Variants in PAK2 observed in about 807,000 individuals in gnomAD.
PAK2 encodes p21 (RAC1) activated kinase 2.
Under a neutral mutation model 65.9 loss-of-function variants are expected in PAK2, and 21 were observed. The observed-to-expected ratio is 0.32, with a 90% CI of 0.23 to 0.46. PAK2 has a LOEUF of 0.46. Among genes scored for constraint, PAK2 ranks in the 20% least tolerant of loss-of-function variants. The probability of loss-of-function intolerance (pLI) is 1.00; values close to 1 mark genes in which losing one functional copy is unlikely to be tolerated. For synonymous variants in PAK2, 204 were observed against 219.7 expected (o/e 0.93, Z 0.63); for missense variants, 324 against 642.6 (o/e 0.50, Z 5.36).
intron 4 of PAK2, among the ~76,000 whole-genome samples, chr3:196,804,553 C>T (rs567018080): frequency 2.8e-4 from 42 of 152,180 alleles, no homozygotes; most frequent in African/African-American, 8.9e-4. Flanking sequence ...CCAGAACCCC[C>T]GCCTCCCGGG....
intron 12 of PAK2, among the ~76,000 whole-genome samples, chr3:196,818,942 A>T (rs1711562976): frequency 6.6e-6 from 1 of 152,160 alleles, no homozygotes; most frequent in African/African-American, 2.4e-5. Context: ...GGATTGTTTT[A>T]AGTACTCATT....
chr3:196,813,554 A>C (rs1019904191), intron 10 of PAK2, among the ~76,000 whole-genome samples: 1 of 152,100 alleles, frequency 6.6e-6, no homozygotes, highest in Admixed American at 6.6e-5. Flanking sequence ...TTGAAGATAG[A>C]GGTGATTATA....
chr3:196,763,489 C>T (rs540561424), intron 1 of PAK2, among the ~76,000 whole-genome samples: 3 of 152,116 alleles, frequency 2.0e-5, no homozygotes, highest in South Asian at 2.1e-4. Flanking sequence ...GGCCTCAGAT[C>T]CGTTTTCGGA....
intron 11 of PAK2, among the ~76,000 whole-genome samples, chr3:196,814,875 T>C (rs1050498723): frequency 6.6e-6 from 1 of 152,136 alleles, no homozygotes; most frequent in East Asian, 1.9e-4. Flanking sequence ...AAAGGGTATA[T>C]ATCATTAGAA....
chr3:196,780,034 A>G (rs1054375514), intron 1 of PAK2, among the ~76,000 whole-genome samples: 3 of 152,216 alleles, frequency 2.0e-5, no homozygotes, highest in African/African-American at 4.8e-5. Context: ...GCACACTGGT[A>G]GTAGCCCATA....
In PAK2 at chr3:196,815,375, C is replaced by A. The variant is rs569640020; in HGVS notation, c.1053+807C>A. Among the ~76,000 whole-genome samples the A allele has an allele frequency of 1.2e-4, 18 of 151,460 alleles. No individual in the cohort carries two copies. The South Asian group carries it at 1.3e-3, about 11-fold the overall frequency. ...GGCATGGTGGTGCACGCCTGTAATC[C>A]CAGCTACTCGCGAGGCTGAGGCGGG... is the stretch of plus-strand genomic sequence containing the variant. On this transcript the variant is annotated intron_variant, in intron 11 of 14. Transcript: ENST00000327134.
At chr3:196,750,427 G>T (rs2108709547) in intron 1 of PAK2, among the ~76,000 whole-genome samples, 1 of 152,118 alleles carries the variant, frequency 6.6e-6, no homozygotes, top group African/African-American at 2.4e-5. Context: ...GATGATTTCT[G>T]TCATGTTTTG....
intron 1 of PAK2, among the ~76,000 whole-genome samples, chr3:196,767,643 C>T (rs889619351): frequency 6.6e-6 from 1 of 151,880 alleles, no homozygotes; most frequent in African/African-American, 2.4e-5. Flanking sequence ...TGACCGCCAC[C>T]ACGCCCAGCT....
At chr3:196,761,118 C>G (rs1366254836) in intron 1 of PAK2, among the ~76,000 whole-genome samples, 1 of 146,952 alleles carries the variant, frequency 6.8e-6, no homozygotes, top group Non-Finnish European at 1.5e-5. Context: ...ATCCCGGCTA[C>G]TCGGTAAGGC....
intron 2 of PAK2, among the ~76,000 whole-genome samples, chr3:196,789,579 C>T (rs1444854622): frequency 6.6e-6 from 1 of 152,154 alleles, no homozygotes; most frequent in Non-Finnish European, 1.5e-5. Flanking sequence ...TCCCCTGCCT[C>T]AGCCTCCCGA....
At chr3:196,779,771 A>G (rs1714647519) in intron 1 of PAK2, among the ~76,000 whole-genome samples, 1 of 152,164 alleles carries the variant, frequency 6.6e-6, no homozygotes, top group Admixed American at 6.5e-5. Flanking sequence ...CCCGGGCTCA[A>G]GTGATTCCTC....
intron 1 of PAK2, among the ~76,000 whole-genome samples, chr3:196,767,836 C>T (rs897003726): frequency 1.3e-5 from 2 of 152,070 alleles, no homozygotes; most frequent in African/African-American, 4.8e-5. Context: ...CACAACTATA[C>T]TAAAAGCCAT....
chr3:196,765,068 T>C (rs1254741014), intron 1 of PAK2, among the ~76,000 whole-genome samples: 1 of 151,008 alleles, frequency 6.6e-6, no homozygotes, highest in Admixed American at 6.6e-5. Flanking sequence ...ATGGTCTCGA[T>C]CTTCTGACCT....
intron 1 of PAK2, among the ~76,000 whole-genome samples, chr3:196,767,536 T>G (rs1714210941): frequency 1.3e-5 from 2 of 152,186 alleles, no homozygotes. Context: ...TCACCCAGGC[T>G]GGAGTGCAGT....
intron 1 of PAK2, among the ~76,000 whole-genome samples, chr3:196,753,816 TTC>T: frequency 6.6e-6 from 1 of 152,264 alleles, no homozygotes; most frequent in Admixed American, 6.5e-5. Flanking sequence ...TTTTGACAGA[TTC>T]TGTCTTGTAC....
chr3:196,827,122 C>T (rs1711904684), intron 13 of PAK2, 74 bp from the exon 14 acceptor site: 2 of 891,462 alleles, frequency 2.2e-6, no homozygotes, highest in African/African-American at 1.7e-5. Context: ...GAAAGAATCC[C>T]TTAGACTTTA....
chr3:196,812,944 T>C (rs1429961164), intron 10 of PAK2, 93 bp downstream of exon 10: 2 of 626,196 alleles, frequency 3.2e-6, no homozygotes, highest in South Asian at 1.9e-5. Context: ...TGGAATAAAC[T>C]GTCAGTGCCG....
chr3:196,821,267 C>T (rs1191630979), intron 13 of PAK2, among the ~76,000 whole-genome samples: 3 of 152,068 alleles, frequency 2.0e-5, no homozygotes, highest in East Asian at 3.9e-4. Context: ...GTGGCAGTTG[C>T]GGTGAGCCAA....
chr3:196,767,582 G>A (rs1444722821), intron 1 of PAK2, among the ~76,000 whole-genome samples: 3 of 151,934 alleles, frequency 2.0e-5, no homozygotes, highest in East Asian at 1.9e-4. Context: ...TCCGCCTCCC[G>A]GGTTCACGCC....
Sources: gnomAD v4.1 joint callset for allele counts (sites outside exome capture counted in the v4.1 genomes callset) on GRCh38, gnomAD v4.1.1 for gene constraint, MANE v1.5 for transcripts, NCBI Gene and HGNC (gene_info 2026-07-23, HGNC 2026-07-21) for gene names.